The following IRF2BPL variants were observed in gnomAD, a reference collection of about 807,000 sequenced individuals.
IRF2BPL encodes the protein interferon regulatory factor 2 binding protein like.
Under a neutral mutation model 51.2 loss-of-function variants are expected in IRF2BPL, and 13 were observed. The observed-to-expected ratio is 0.25, with a 90% CI of 0.17 to 0.40. The LOEUF (loss-of-function observed/expected upper bound fraction) is 0.40, where lower values mean the gene tolerates loss of function less well. IRF2BPL is among the 10% of genes least tolerant of loss of function. The pLI is 1.00. For synonymous variants in IRF2BPL, 768 were observed against 509.2 expected (o/e 1.51, Z -6.84); for missense variants, 1,210 against 1,111.8 (o/e 1.09, Z -1.26).
In IRF2BPL at chr14:77,026,258, A is replaced by G. The variant is rs1371064518; in HGVS notation, c.1535T>C (p.Val512Ala). The G allele has an allele frequency of 1.8e-5, 26 of 1,481,420 alleles. No homozygotes were observed. Among genetic ancestry groups the G allele is most frequent in the Non-Finnish European group, 2.0e-5 (22 of 1,118,362 alleles). 91.8% of individuals were successfully genotyped at this position (1,481,420 alleles called of 1,614,324 possible). A position where few individuals can be genotyped will look rare whatever the true frequency, so the allele number is the denominator to read the frequency against. The change falls in exon 1 of 1, where the codon GTG becomes GCG. Residue 512 changes from valine to alanine, a missense_variant. Val to Ala is a moderately conservative substitution (Grantham distance 64). Coordinates refer to ENST00000238647, the MANE Select transcript of IRF2BPL (RefSeq NM_024496.4). ...TGCGCTGGGGGCGCGGCTCAGACTC[A>G]CCAGAGCAGTGGGCAGCATGGGACA... The part of the protein sequence containing the change: ...ASCPMLPTAL[V>A]SLSRAPSAPP...
rs1274939528 is a variant in IRF2BPL at position 77,025,400 on chromosome 14, G to A, written c.*2C>T. ...GGGCAAAGGAGGTGGCTGCCCAGTG[G>A]TTCAAGGGTCTCTCTCCTTTTTCAC... On this transcript the variant is annotated 3_prime_UTR_variant, in exon 1 of 1. Coordinates refer to ENST00000238647, the MANE Select transcript of IRF2BPL (RefSeq NM_024496.4). 5 of 1,546,818 alleles carry A rather than the reference G, an allele frequency of 3.2e-6. No individual in the cohort carries two copies. Among genetic ancestry groups the A allele is most frequent in the African/African-American group, 1.4e-5 (1 of 72,958 alleles).
Position 77,026,452 on chromosome 14 carries a change from C to T in IRF2BPL, c.1341G>A (p.Lys447=), listed in dbSNP as rs367554169. The stretch of plus-strand genomic sequence containing the variant: ...CCGAGGATAGGCCCCGGCCGAAGTC[C>T]TTCATGCAGTCCTGATACATCTGCT... The part of the protein sequence containing the change: ...VAKQMYQDCM[K]DFGRGLSSGF... Residue 447 remains lysine (K), a synonymous_variant, in exon 1 of 1, where the codon AAG becomes AAA. Transcript: ENST00000238647. 8.1e-6 allele frequency: 13 copies of T among 1,613,470 alleles called. No individual in the cohort carries two copies. The highest frequency in any genetic ancestry group is 1.1e-5 in the Non-Finnish European group (13 of 1,180,030).
chr14:77,026,512 C>G lies in IRF2BPL; in HGVS notation c.1281G>C (p.Ser427=). The G allele has an allele frequency of 6.2e-7, 1 of 1,613,622 alleles. No homozygotes were observed. The highest frequency in any genetic ancestry group is 8.5e-7 in the Non-Finnish European group (1 of 1,180,002). ...LKLFIEYPTG[S]GNVYSSASGV... ...CAGATGCACTGGAGTACACGTTGCC[C>G]GAGCCCGTGGGGTACTCAATGAACA... Residue 427 remains serine (S), a synonymous_variant, in exon 1 of 1, where the codon TCG becomes TCC. Transcript: ENST00000238647.
Position 77,027,325 on chromosome 14 carries a change from G to C in IRF2BPL, c.468C>G (p.Ala156=). Residue 156 remains alanine, a synonymous_variant, in exon 1 of 1, where the codon GCC becomes GCG. Coordinates refer to ENST00000238647, the MANE Select transcript of IRF2BPL (RefSeq NM_024496.4). ...LERYGLSAAA[A]AAAAAAAAVE... Reference sequence around the variant, plus strand: ...CCGCAGCGGCGGCGGCGGCGGCGGCGGCGGCGGCAGCGCTTAGGCCGTAGC... The same window carrying C: ...CCGCAGCGGCGGCGGCGGCGGCGGCCGCGGCGGCAGCGCTTAGGCCGTAGC... 6.5e-7 allele frequency: 1 copy of C among 1,533,138 alleles called. No individual in the cohort carries two copies. The highest frequency in any genetic ancestry group is 8.7e-7 in the Non-Finnish European group (1 of 1,146,854). 95.0% of individuals were successfully genotyped at this position (1,533,138 alleles called of 1,614,324 possible). A position where few individuals can be genotyped will look rare whatever the true frequency, so the allele number is the denominator to read the frequency against.
rs1305972505 is a variant in IRF2BPL at position 77,027,356 on chromosome 14, A to G, written c.437T>C (p.Leu146Pro). 2.6e-6 allele frequency: 4 copies of G among 1,514,882 alleles called. No homozygotes were observed. Among genetic ancestry groups the G allele is most frequent in the Non-Finnish European group, 3.5e-6 (4 of 1,135,702 alleles). The allele number at this position is 1,514,882 out of a possible 1,614,324, so 93.8% of individuals were successfully genotyped here. A position where few individuals can be genotyped will look rare whatever the true frequency, so the allele number is the denominator to read the frequency against. ...KPAVLAAPSG[L>P]ERYGLSAAAA... ...GGCAGCGCTTAGGCCGTAGCGCTCC[A>G]GGCCAGACGGGGCCGCCAGCACCGC... is the stretch of plus-strand genomic sequence containing the variant. Residue 146 changes from leucine (L) to proline (P), a missense_variant, in exon 1 of 1, where the codon CTG (leucine) becomes CCG (proline). By Grantham distance (98) the Leu-to-Pro change is moderately conservative. Coordinates refer to ENST00000238647, the MANE Select transcript of IRF2BPL (RefSeq NM_024496.4).
chr14:77,027,580 C>T lies in IRF2BPL; in HGVS notation c.213G>A (p.Gly71=). 3 of 1,553,344 alleles carry T rather than the reference C, an allele frequency of 1.9e-6. No individual in the cohort carries two copies. Among genetic ancestry groups the T allele is most frequent in the Non-Finnish European group, 1.7e-6 (2 of 1,150,588 alleles). The part of the protein sequence containing the change: ...HGCFQDGRSP[G]PPPPVGVKTV... ...TCTTGACCCCGACGGGCGGCGGCGG[C>T]CCGGGGGAGCGGCCGTCCTGGAAGC... is the stretch of plus-strand genomic sequence containing the variant. The change falls in exon 1 of 1, where the codon GGG becomes GGA. Residue 71 remains glycine, a synonymous_variant. Transcript: ENST00000238647.
Position 77,026,194 on chromosome 14 carries a change from C to A in IRF2BPL, c.1599G>T (p.Ser533=). 2.9e-6 allele frequency: 4 copies of A among 1,390,462 alleles called. No individual in the cohort carries two copies. Among genetic ancestry groups the A allele is most frequent in the South Asian group, 1.6e-5 (1 of 60,988 alleles). 86.1% of individuals were successfully genotyped at this position (1,390,462 alleles called of 1,614,324 possible). The change falls in exon 1 of 1, where the codon TCG becomes TCT. Residue 533 remains serine (S), a synonymous_variant. Transcript: ENST00000238647. ...GCAGGCTGGCGGCTGCGCCCCGGCCCGACGGCGCGGCGGGCGGCAAGGCCC... is the reference window on the plus strand; with the variant it reads ...GCAGGCTGGCGGCTGCGCCCCGGCCAGACGGCGCGGCGGGCGGCAAGGCCC... ...GTGALPPAAP[S]GRGAAASLRK... is the part of the protein sequence containing the mutation.
chr14:77,028,535 C>T lies in IRF2BPL; in HGVS notation c.-743G>A. 2.8e-6 allele frequency: 1 copy of T among 357,668 alleles called. No individual in the cohort carries two copies. The highest frequency in any genetic ancestry group is 5.0e-6 in the Non-Finnish European group (1 of 199,324). The allele number at this position is 357,668 out of a possible 1,614,324, so 22.2% of individuals were successfully genotyped here. A position where few individuals can be genotyped will look rare whatever the true frequency, so the allele number is the denominator to read the frequency against. ...CAGGCCTGGCCGGCGCCCGGGCCGC[C>T]GCGGCTGGCGGCGCTCACGTTGGCT... On this transcript the variant is annotated 5_prime_UTR_variant, in exon 1 of 1. Coordinates refer to ENST00000238647, the MANE Select transcript of IRF2BPL (RefSeq NM_024496.4).
Position 77,025,274 on chromosome 14 carries a change from C to A in IRF2BPL, c.*128G>T. The A allele has an allele frequency of 1.7e-6, 1 of 571,688 alleles. No individual in the cohort carries two copies. The highest frequency in any genetic ancestry group is 3.1e-5 in the South Asian group (1 of 32,714). The allele number at this position is 571,688 out of a possible 1,614,324, so 35.4% of individuals were successfully genotyped here. The stretch of plus-strand genomic sequence containing the variant: ...GTCTATACATAAGACTAACTTTTTG[C>A]AGTTTCGTTATATTCACAATTCTAC... On this transcript the variant is annotated 3_prime_UTR_variant, in exon 1 of 1. Transcript: ENST00000238647.
chr14:77,025,961 G>A lies in IRF2BPL; in HGVS notation c.1832C>T (p.Thr611Ile), dbSNP rs996706109. 4 of 1,601,040 alleles carry A rather than the reference G, an allele frequency of 2.5e-6. No individual in the cohort carries two copies. The highest frequency in any genetic ancestry group is 3.4e-6 in the Non-Finnish European group (4 of 1,174,612). ...PPLGPHSNRT[T>I]PPESAPQNGP... ...GTTCTGGGGGGCTGACTCAGGTGGG[G>A]TGGTCCGGTTGGAATGGGGTCCCAG... is the stretch of plus-strand genomic sequence containing the variant. Residue 611 changes from threonine (T) to isoleucine (I), a missense_variant, in exon 1 of 1, where the codon ACC becomes ATC. Thr to Ile is a moderately conservative substitution (Grantham distance 89). Transcript: ENST00000238647.
chr14:77,027,611 T>A lies in IRF2BPL; in HGVS notation c.182A>T (p.His61Leu). The change falls in exon 1 of 1, where the codon CAC (histidine) becomes CTC (leucine). Residue 61 changes from histidine (H) to leucine (L), a missense_variant. Transcript: ENST00000238647. Reference protein sequence around the residue: ...IETARQLKRAHGCFQDGRSPG... With the variant: ...IETARQLKRALGCFQDGRSPG... Reference sequence around the variant, plus strand: ...GGAGCGGCCGTCCTGGAAGCAGCCGTGCGCCCGCTTCAGCTGGCGCGCTGT... The same window carrying A: ...GGAGCGGCCGTCCTGGAAGCAGCCGAGCGCCCGCTTCAGCTGGCGCGCTGT... 1 of 1,600,614 alleles carries A rather than the reference T, an allele frequency of 6.2e-7. No homozygotes were observed. Among genetic ancestry groups the A allele is most frequent in the Non-Finnish European group, 8.5e-7 (1 of 1,174,552 alleles).
Position 77,026,208 on chromosome 14 carries a change from G to A in IRF2BPL, c.1585C>T (p.Pro529Ser), listed in dbSNP as rs1342097388. 3 of 1,388,854 alleles carry A rather than the reference G, an allele frequency of 2.2e-6. No individual in the cohort carries two copies. The highest frequency in any genetic ancestry group is 3.8e-5 in the Admixed American group (1 of 26,476). The allele number at this position is 1,388,854 out of a possible 1,614,324, so 86.0% of individuals were successfully genotyped here. The change falls in exon 1 of 1, where the codon CCC becomes TCC. Residue 529 changes from proline to serine, a missense_variant. Transcript: ENST00000238647. Reference protein sequence around the residue: ...SAPPGTGALPPAAPSGRGAAA... With the variant: ...SAPPGTGALPSAAPSGRGAAA... ...GCGCCCCGGCCCGACGGCGCGGCGGGCGGCAAGGCCCCGGTCCCCGGGGGT... is the reference window on the plus strand; with the variant it reads ...GCGCCCCGGCCCGACGGCGCGGCGGACGGCAAGGCCCCGGTCCCCGGGGGT...
chr14:77,026,386 C>G lies in IRF2BPL; in HGVS notation c.1407G>C (p.Gly469=), dbSNP rs1207735151. 2 of 1,612,766 alleles carry G rather than the reference C, an allele frequency of 1.2e-6. No homozygotes were observed. Among genetic ancestry groups the G allele is most frequent in the Non-Finnish European group, 1.7e-6 (2 of 1,179,884 alleles). Residue 469 remains glycine, a synonymous_variant, in exon 1 of 1, where the codon GGG becomes GGC. Coordinates refer to ENST00000238647, the MANE Select transcript of IRF2BPL (RefSeq NM_024496.4). The part of the protein sequence containing the change: ...YLEYEKKHGS[G]DWRLLGDLLP... ...GCAGGTCTCCAAGCAGGCGCCAGTCCCCGGAGCCGTGCTTCTTTTCGTACT... is the reference window on the plus strand; with the variant it reads ...GCAGGTCTCCAAGCAGGCGCCAGTCGCCGGAGCCGTGCTTCTTTTCGTACT...
Position 77,026,779 on chromosome 14 carries a change from T to C in IRF2BPL, c.1014A>G (p.Thr338=). 1 of 1,612,694 alleles carries C rather than the reference T, an allele frequency of 6.2e-7. No individual in the cohort carries two copies. Among genetic ancestry groups the C allele is most frequent in the Non-Finnish European group, 8.5e-7 (1 of 1,179,802 alleles). The change falls in exon 1 of 1, where the codon ACA becomes ACG. Residue 338 remains threonine, a synonymous_variant. Coordinates refer to ENST00000238647, the MANE Select transcript of IRF2BPL (RefSeq NM_024496.4). ...GGKRPGSVSS[T]DQERELKEKQ... is the part of the protein sequence containing the mutation. Reference sequence around the variant, plus strand: ...TCTCCTTCAACTCGCGCTCCTGGTCTGTGCTCGACACCGAGCCGGGCCTCT... The same window carrying C: ...TCTCCTTCAACTCGCGCTCCTGGTCCGTGCTCGACACCGAGCCGGGCCTCT...
At position 77,025,313 on chromosome 14, in the gene IRF2BPL, G is replaced by C. The variant is rs1192010166; in HGVS notation, c.*89C>G. On this transcript the variant is annotated 3_prime_UTR_variant, in exon 1 of 1. Transcript: ENST00000238647. ...TCACAATTCTACACCTTGGGGGTGA[G>C]GGGAGGGAGGGTCGAGTTGGGTTGG... 15 of 883,918 alleles carry C rather than the reference G, an allele frequency of 1.7e-5. No homozygotes were observed. Among genetic ancestry groups the C allele is most frequent in the Non-Finnish European group, 2.1e-5 (12 of 585,090 alleles). The allele number at this position is 883,918 out of a possible 1,614,324, so 54.8% of individuals were successfully genotyped here.
At position 77,026,444 on chromosome 14, in the gene IRF2BPL, C is replaced by T. The variant is rs1159442014; in HGVS notation, c.1349G>A (p.Gly450Asp). The change falls in exon 1 of 1, where the codon GGC (glycine) becomes GAC (aspartate). Residue 450 changes from glycine to aspartate, a missense_variant. Physicochemically the swap from Gly to Asp is moderately conservative, Grantham distance 94 (BLOSUM62 -1). Coordinates refer to ENST00000238647, the MANE Select transcript of IRF2BPL (RefSeq NM_024496.4). Reference sequence around the variant, plus strand: ...CTTGAAACCCGAGGATAGGCCCCGGCCGAAGTCCTTCATGCAGTCCTGATA... The same window carrying T: ...CTTGAAACCCGAGGATAGGCCCCGGTCGAAGTCCTTCATGCAGTCCTGATA... Reference protein sequence around the residue: ...QMYQDCMKDFGRGLSSGFKYL... With the variant: ...QMYQDCMKDFDRGLSSGFKYL... 5 of 1,613,384 alleles carry T rather than the reference C, an allele frequency of 3.1e-6. No individual in the cohort carries two copies. Among genetic ancestry groups the T allele is most frequent in the Non-Finnish European group, 3.4e-6 (4 of 1,180,006 alleles).
chr14:77,027,487 C>T lies in IRF2BPL; in HGVS notation c.306G>A (p.Ala102=). 7.6e-7 allele frequency: 1 copy of T among 1,309,318 alleles called. No homozygotes were observed. Among genetic ancestry groups the T allele is most frequent in the South Asian group, 2.0e-5 (1 of 51,094 alleles). 81.1% of individuals were successfully genotyped at this position (1,309,318 alleles called of 1,614,324 possible). Residue 102 remains alanine, a synonymous_variant, in exon 1 of 1, where the codon GCG becomes GCA. Transcript: ENST00000238647. ...GCTGCTGCTGTTGCTGTTGCTGTTG[C>T]GCGGCGGCGGCGGCGGCCGCCGCTG... ...AAAAAAAAAA[A]QQQQQQQQQQ...
chr14:77,027,073 G>A lies in IRF2BPL; in HGVS notation c.720C>T (p.Pro240=). ...GGGGGCCTCCGCCACCCCCCGGGTT[G>A]GGCAGCCCCGTAACCAGCCCACCGT... ...GTHGGLVTGL[P]NPGGGGGPQL... The change falls in exon 1 of 1, where the codon CCC becomes CCT. Residue 240 remains proline (P), a synonymous_variant. Transcript: ENST00000238647. The A allele has an allele frequency of 6.3e-7, 1 of 1,599,172 alleles. No homozygotes were observed. Among genetic ancestry groups the A allele is most frequent in the Non-Finnish European group, 8.5e-7 (1 of 1,174,436 alleles).
At position 77,028,502 on chromosome 14, in the gene IRF2BPL, G is replaced by A. The variant is rs1032754664; in HGVS notation, c.-710C>T. On this transcript the variant is annotated 5_prime_UTR_variant, in exon 1 of 1. Transcript: ENST00000238647. Reference sequence around the variant, plus strand: ...GAGGAGTGCACGCACGCAGGCTCCCGCCGCCCCCAGGCCTGGCCGGCGCCC... The same window carrying A: ...GAGGAGTGCACGCACGCAGGCTCCCACCGCCCCCAGGCCTGGCCGGCGCCC... 3.1e-6 allele frequency: 1 copy of A among 318,380 alleles called. No individual in the cohort carries two copies. 19.7% of individuals were successfully genotyped at this position (318,380 alleles called of 1,614,324 possible). A position where few individuals can be genotyped will look rare whatever the true frequency, so the allele number is the denominator to read the frequency against.
Sources: gnomAD v4.1 joint callset for allele counts on GRCh38, gnomAD v4.1.1 for gene constraint, MANE v1.5 for transcripts, NCBI Gene and HGNC (gene_info 2026-07-23, HGNC 2026-07-21) for gene names.